NBAS: variants seen among roughly 807,000 people sequenced by gnomAD.
NBAS encodes NAG/BC035112 fusion.
NBAS carries 219 observed loss-of-function variants against 302.5 expected under a neutral mutation model. The observed-to-expected ratio is 0.72, with a 90% CI of 0.65 to 0.81. The LOEUF (loss-of-function observed/expected upper bound fraction) is 0.81, where lower values mean the gene tolerates loss of function less well. Among genes scored for constraint, NBAS ranks in the 30% least tolerant of loss-of-function variants. The pLI, the probability that NBAS is intolerant of heterozygous loss-of-function variation, is 0.00. For missense variants in NBAS, 2,932 were observed against 2,841.6 expected (o/e 1.03, Z -0.72); for synonymous variants, 1,118 against 1,021.6 (o/e 1.09, Z -1.80).
At chr2:15,437,296 G>A (rs1678073133) in intron 21 of NBAS, among the ~76,000 whole-genome samples, 1 of 152,158 alleles carries the variant, frequency 6.6e-6, no homozygotes, top group South Asian at 2.1e-4. Context: ...CATCCTGGGT[G>A]ACAGAGAGTC....
At chr2:15,354,905 TC>T (rs2148307688) in intron 33 of NBAS, among the ~76,000 whole-genome samples, 1 of 152,208 alleles carries the variant, frequency 6.6e-6, no homozygotes, top group East Asian at 1.9e-4. Context: ...TTCAGCAAGG[TC>T]CTATTAAATC....
the NBAS span, among the ~76,000 whole-genome samples, chr2:14,811,569 T>C: frequency 6.6e-6 from 1 of 151,884 alleles, no homozygotes; most frequent in Admixed American, 6.6e-5. Flanking sequence ...ATTTAGGAGG[T>C]AGAGGTCAGG....
chr2:14,908,219 C>T, the NBAS span, among the ~76,000 whole-genome samples: 2 of 152,082 alleles, frequency 1.3e-5, no homozygotes, highest in East Asian at 1.9e-4. Flanking sequence ...CAAAATTAGC[C>T]GGGTGTGGTG....
chr2:15,178,165 A>AT lies in NBAS; in HGVS notation c.6840+822dup, dbSNP rs1558411939. ...TGGTCCCTAGAAGATATCCTGCCACATTTTTGTTTAAAAAAATAGCATGCA... is the reference window on the plus strand; with the variant it reads ...TGGTCCCTAGAAGATATCCTGCCACATTTTTTGTTTAAAAAAATAGCATGCA... On this transcript the variant is annotated intron_variant, in intron 51 of 51. Transcript: ENST00000281513. The AT allele has an allele frequency of 8.5e-6, 4 of 470,316 alleles. No individual in the cohort carries two copies. The East Asian group carries it at 2.8e-4, about 33-fold the overall frequency. The allele number at this position is 470,316 out of a possible 1,614,324, so 29.1% of individuals were successfully genotyped here.
At chr2:14,813,623 G>A in the NBAS span, among the ~76,000 whole-genome samples, 7 of 152,252 alleles carry the variant, frequency 4.6e-5, no homozygotes, top group South Asian at 1.5e-3. Context: ...AAGATTATCT[G>A]AAACTGGAAC....
intron 38 of NBAS, among the ~76,000 whole-genome samples, chr2:15,319,425 C>CA (rs542722638): frequency 4.0e-5 from 6 of 151,384 alleles, no homozygotes; most frequent in Admixed American, 1.3e-4. Context: ...GATAGAGACA[C>CA]AAAAAACCAT....
chr2:15,408,243 C>T (rs1027006982), intron 25 of NBAS, among the ~76,000 whole-genome samples: 5 of 152,148 alleles, frequency 3.3e-5, no homozygotes, highest in East Asian at 3.8e-4. Flanking sequence ...TAAAGTAATA[C>T]GCATACTTGA....
At chr2:15,028,946 A>C in the NBAS span, among the ~76,000 whole-genome samples, 1 of 152,170 alleles carries the variant, frequency 6.6e-6, no homozygotes, top group African/African-American at 2.4e-5. Flanking sequence ...CAAGGAACTC[A>C]TCGGTGTCAT....
intron 42 of NBAS, among the ~76,000 whole-genome samples, chr2:15,277,432 C>T (rs924913364): frequency 1.3e-5 from 2 of 152,176 alleles, no homozygotes; most frequent in Non-Finnish European, 2.9e-5. Flanking sequence ...TGTCAGCGTC[C>T]ACTCTTAATC....
chr2:15,125,063 T>C, the NBAS span, among the ~76,000 whole-genome samples: 7 of 152,094 alleles, frequency 4.6e-5, no homozygotes, highest in African/African-American at 1.7e-4. Flanking sequence ...AACCTCAGCA[T>C]GGAAAAGCTG....
At chr2:15,523,646 G>A (rs747486061) in intron 9 of NBAS, among the ~76,000 whole-genome samples, 30 of 152,178 alleles carry the variant, frequency 2.0e-4, no homozygotes, top group Non-Finnish European at 3.5e-4. Context: ...AGGCGCAGTG[G>A]CTCATGCCTG....
At chr2:15,044,436 A>T in the NBAS span, among the ~76,000 whole-genome samples, 7 of 152,252 alleles carry the variant, frequency 4.6e-5, no homozygotes, top group Admixed American at 4.6e-4. Context: ...AAAACCTATT[A>T]ATGAGGTTTT....
chr2:14,940,283 A>G, the NBAS span, among the ~76,000 whole-genome samples: 1 of 152,194 alleles, frequency 6.6e-6, no homozygotes, highest in Admixed American at 6.5e-5. Context: ...ACACTGAGGT[A>G]CTGTCCTCAT....
intron 48 of NBAS, among the ~76,000 whole-genome samples, chr2:15,215,630 G>C (rs370735670): frequency 1.3e-3 from 199 of 152,280 alleles, no homozygotes; most frequent in African/African-American, 4.5e-3. Flanking sequence ...AAAAAAACAA[G>C]AGCTCATACA....
At chr2:15,369,927 G>C (rs1427496129) in intron 31 of NBAS, among the ~76,000 whole-genome samples, 2 of 152,152 alleles carry the variant, frequency 1.3e-5, no homozygotes, top group African/African-American at 4.8e-5. Flanking sequence ...AATATCAATT[G>C]CAGTCACTTG....
the NBAS span, among the ~76,000 whole-genome samples, chr2:14,876,138 C>T: frequency 6.6e-6 from 1 of 152,140 alleles, no homozygotes; most frequent in African/African-American, 2.4e-5. Flanking sequence ...ATTTATTGTT[C>T]ATTTTATTTA....
intron 41 of NBAS, among the ~76,000 whole-genome samples, chr2:15,291,451 T>C (rs1670300848): frequency 6.6e-6 from 1 of 152,360 alleles, no homozygotes; most frequent in African/African-American, 2.4e-5. Flanking sequence ...AAAACATCTC[T>C]ACTTAATAAC....
chr2:15,525,977 G>A (rs1662895657), intron 9 of NBAS, among the ~76,000 whole-genome samples: 1 of 152,138 alleles, frequency 6.6e-6, no homozygotes. Context: ...CTACAGGACA[G>A]GTACTACATT....
chr2:14,970,681 T>C, the NBAS span, among the ~76,000 whole-genome samples: 1 of 152,166 alleles, frequency 6.6e-6, no homozygotes, highest in Non-Finnish European at 1.5e-5. Context: ...GAACTGGAAC[T>C]GGGCCAAAGG....
Sources: allele counts gnomAD v4.1 joint callset (sites outside exome capture counted in the v4.1 genomes callset), GRCh38; gene constraint gnomAD v4.1.1; transcripts MANE v1.5; gene names NCBI Gene and HGNC (gene_info 2026-07-23, HGNC 2026-07-21).